Variants in LRRC37A2 observed in about 807,000 individuals in gnomAD.
LRRC37A2 encodes leucine-rich repeat-containing protein 37A2.
In LRRC37A2, 9 loss-of-function variants were observed where a neutral mutation model predicts 68.8. That is an observed-to-expected ratio of 0.13 (90% CI 0.08 to 0.23). LRRC37A2 has a LOEUF of 0.23. LRRC37A2 is among the 10% of genes least tolerant of loss of function. The pLI, the probability that LRRC37A2 is intolerant of heterozygous loss-of-function variation, is 1.00. For synonymous variants in LRRC37A2, 63 were observed against 367.6 expected (o/e 0.17, Z 9.48); for missense variants, 168 against 950.4 (o/e 0.18, Z 10.82).
the LRRC37A2 span, among the ~76,000 whole-genome samples, chr17:46,799,969 T>G: frequency 6.6e-6 from 1 of 152,074 alleles, no homozygotes; most frequent in African/African-American, 2.4e-5. Flanking sequence ...CACACCAAGG[T>G]TAGATGCCCA....
the LRRC37A2 span, among the ~76,000 whole-genome samples, chr17:46,812,760 G>A: frequency 6.6e-6 from 1 of 152,214 alleles, no homozygotes; most frequent in African/African-American, 2.4e-5. Context: ...AAATCTGGGA[G>A]GGCTTCTTGG....
the LRRC37A2 span, among the ~76,000 whole-genome samples, chr17:46,422,764 GTA>G: frequency 9.0e-6 from 1 of 111,340 alleles, no homozygotes; most frequent in East Asian, 2.3e-4. Context: ...AGCTTAAAAT[GTA>G]TTTATTTGCA....
At chr17:46,679,279 A>G in the LRRC37A2 span, among the ~76,000 whole-genome samples, 1 of 146,256 alleles carries the variant, frequency 6.8e-6, no homozygotes, top group Admixed American at 6.8e-5. Context: ...TCATTGAGGC[A>G]TATATTCACA....
At chr17:46,939,778 C>G in the LRRC37A2 span, 1 of 987,352 alleles carries the variant, frequency 1.0e-6, no homozygotes, top group Non-Finnish European at 1.2e-6. Context: ...CAACCTTTTT[C>G]CTTCTGTGAC....
At chr17:46,762,125 A>G in the LRRC37A2 span, among the ~76,000 whole-genome samples, 1 of 152,238 alleles carries the variant, frequency 6.6e-6, no homozygotes, top group Non-Finnish European at 1.5e-5. Flanking sequence ...ATGGAGTTGA[A>G]AACGTGGTGA....
intron 6 of LRRC37A2, among the ~76,000 whole-genome samples, chr17:46,525,661 T>A (rs62073312): frequency 0.13 from 14,638 of 114,818 alleles, 17 homozygotes; most frequent in Non-Finnish European, 0.2. Context: ...CCAGCTTCAC[T>A]ACAATTATGT....
chr17:47,004,805 T>A, the LRRC37A2 span, among the ~76,000 whole-genome samples: 12 of 152,234 alleles, frequency 7.9e-5, no homozygotes, highest in African/African-American at 2.7e-4. Flanking sequence ...GTTGGGATTA[T>A]AGGCGTGAGC....
chr17:46,740,632 A>G, the LRRC37A2 span, among the ~76,000 whole-genome samples: 1 of 151,366 alleles, frequency 6.6e-6, no homozygotes. Flanking sequence ...TAAGAATACT[A>G]TGGCATGGTC....
chr17:46,479,404 C>T, the LRRC37A2 span, among the ~76,000 whole-genome samples: 1 of 101,368 alleles, frequency 9.9e-6, no homozygotes, highest in African/African-American at 3.6e-5. Context: ...AGTTTGCTGG[C>T]CCTTGTTCTA....
chr17:46,936,815 G>C, the LRRC37A2 span: 8 of 984,722 alleles, frequency 8.1e-6, no homozygotes, highest in Non-Finnish European at 9.6e-6. Context: ...TCTGATCTCT[G>C]ATGGCAATGA....
At chr17:46,717,046 A>T in the LRRC37A2 span, among the ~76,000 whole-genome samples, 1 of 152,220 alleles carries the variant, frequency 6.6e-6, no homozygotes, top group Non-Finnish European at 1.5e-5. Flanking sequence ...TATACTCCCA[A>T]GTTCATTGCA....
the LRRC37A2 span, among the ~76,000 whole-genome samples, chr17:46,853,362 AC>A: frequency 1.2e-5 from 1 of 84,452 alleles, no homozygotes; most frequent in South Asian, 5.1e-4. Flanking sequence ...AATGCTAGTG[AC>A]TTTTTTTTTT....
chr17:46,495,328 C>T, the LRRC37A2 span, among the ~76,000 whole-genome samples: 6 of 148,252 alleles, frequency 4.0e-5, no homozygotes, highest in Admixed American at 4.0e-4. Context: ...CTGCCTTGGC[C>T]TCCCAAAGTG....
chr17:46,738,117 A>G, the LRRC37A2 span, among the ~76,000 whole-genome samples: 4 of 151,842 alleles, frequency 2.6e-5, no homozygotes, highest in African/African-American at 7.3e-5. Context: ...TATTTTTTGT[A>G]TAGACAGGGT....
the LRRC37A2 span, chr17:47,018,875 T>C: frequency 1.3e-6 from 2 of 1,519,478 alleles, no homozygotes; most frequent in Non-Finnish European, 1.8e-6. Flanking sequence ...TGACAGAGGT[T>C]GAACTTTCTC....
the LRRC37A2 span, among the ~76,000 whole-genome samples, chr17:46,856,308 T>C: frequency 6.6e-6 from 1 of 152,140 alleles, no homozygotes; most frequent in Non-Finnish European, 1.5e-5. Context: ...CTGGATAGGG[T>C]GTCTGGCACA....
chr17:46,927,053 A>G, the LRRC37A2 span, among the ~76,000 whole-genome samples: 1 of 152,158 alleles, frequency 6.6e-6, no homozygotes, highest in East Asian at 1.9e-4. Context: ...CTGTTTCCTT[A>G]TTAATGCATA....
the LRRC37A2 span, among the ~76,000 whole-genome samples, chr17:47,013,952 T>A: frequency 3.4e-3 from 516 of 151,948 alleles, 3 homozygotes; most frequent in African/African-American, 0.012. Context: ...CTGACCAACA[T>A]GGAGAAATGG....
the LRRC37A2 span, among the ~76,000 whole-genome samples, chr17:46,934,283 C>A: frequency 6.6e-6 from 1 of 152,064 alleles, no homozygotes; most frequent in African/African-American, 2.4e-5. Flanking sequence ...TGGACAGATT[C>A]CTTGAGCACA....
Sources: allele counts gnomAD v4.1 joint callset (sites outside exome capture counted in the v4.1 genomes callset), GRCh38; gene constraint gnomAD v4.1.1; transcripts MANE v1.5; gene names NCBI Gene and HGNC (gene_info 2026-07-23, HGNC 2026-07-21).